TAS2R1: variants seen among roughly 807,000 people sequenced by gnomAD.
The protein encoded by TAS2R1 is taste 2 receptor member 1.
For missense variants in TAS2R1, 370 were observed against 353.4 expected (o/e 1.05, Z -0.38); for synonymous variants, 141 against 134.2 (o/e 1.05, Z -0.35).
the TAS2R1 span, among the ~76,000 whole-genome samples, chr5:9,875,158 C>T: frequency 3.4e-3 from 513 of 152,314 alleles, 1 homozygote; most frequent in Admixed American, 6.8e-3. Context: ...CATCATTTCC[C>T]TCCTCCATTT....
chr5:9,851,785 A>G, the TAS2R1 span, among the ~76,000 whole-genome samples: 10 of 152,218 alleles, frequency 6.6e-5, no homozygotes, highest in Admixed American at 6.5e-4. Flanking sequence ...ATACCCATAC[A>G]GGGCTGTGAC....
chr5:9,720,639 G>A, the TAS2R1 span, among the ~76,000 whole-genome samples: 3 of 152,330 alleles, frequency 2.0e-5, no homozygotes, highest in South Asian at 2.1e-4. Context: ...TCTGCAGTAG[G>A]AATGTATGAA....
the TAS2R1 span, among the ~76,000 whole-genome samples, chr5:9,894,261 A>G: frequency 1.3e-5 from 2 of 152,192 alleles, no homozygotes; most frequent in East Asian, 3.9e-4. Flanking sequence ...AAAATTAGCC[A>G]GCCGTGGTGG....
At chr5:9,740,519 A>G in the TAS2R1 span, among the ~76,000 whole-genome samples, 1 of 152,234 alleles carries the variant, frequency 6.6e-6, no homozygotes, top group Non-Finnish European at 1.5e-5. Flanking sequence ...AGTTAACAAA[A>G]AGACAAATTT....
the TAS2R1 span, among the ~76,000 whole-genome samples, chr5:9,821,339 G>A: frequency 9.7e-4 from 147 of 152,262 alleles, no homozygotes; most frequent in African/African-American, 3.5e-3. Flanking sequence ...TCACAAGCAC[G>A]GGACAGGAAC....
the TAS2R1 span, among the ~76,000 whole-genome samples, chr5:9,884,604 A>C: frequency 6.6e-6 from 1 of 152,320 alleles, no homozygotes; most frequent in East Asian, 1.9e-4. Context: ...ACATTATAAA[A>C]CACAAGTTAC....
the TAS2R1 span, among the ~76,000 whole-genome samples, chr5:9,818,166 C>T: frequency 7.2e-5 from 11 of 152,164 alleles, no homozygotes; most frequent in Admixed American, 1.3e-4. Context: ...GCTGTCACGT[C>T]CTTAAGGCCA....
the TAS2R1 span, among the ~76,000 whole-genome samples, chr5:9,759,889 G>C: frequency 1.3e-5 from 2 of 152,034 alleles, no homozygotes; most frequent in Non-Finnish European, 2.9e-5. Context: ...TCTTAGAAGT[G>C]GTTTAGAGAA....
At chr5:9,706,081 T>TAAATACAATGTTCTGATCTCCATC (rs1741603999) in intron 1 of TAS2R1, among the ~76,000 whole-genome samples, 2 of 152,232 alleles carry the variant, frequency 1.3e-5, no homozygotes, top group South Asian at 4.2e-4. Flanking sequence ...CTTTTAGAAA[T>TAAATACAATGTTCTGATCTCCATC]AAATACAATG....
chr5:9,895,026 T>C, the TAS2R1 span, among the ~76,000 whole-genome samples: 1 of 152,260 alleles, frequency 6.6e-6, no homozygotes, highest in African/African-American at 2.4e-5. Context: ...GGCTTCCTGA[T>C]GAACAAGTAT....
chr5:9,674,154 T>C lies in TAS2R1; in HGVS notation c.-241-14573A>G, dbSNP rs551236873. Among the ~76,000 whole-genome samples, 13 of 152,316 alleles carry C rather than the reference T, an allele frequency of 8.5e-5. No individual in the cohort carries two copies. In the East Asian group the frequency reaches 2.5e-3, roughly 29 times the overall value. ...CATAGACATATATGTAACAAAACTA[T>C]GGAATAGACCCAATAACTGTATTTT... On this transcript the variant is annotated intron_variant, in intron 1 of 2. Transcript: ENST00000506620.
the TAS2R1 span, among the ~76,000 whole-genome samples, chr5:9,758,091 A>T: frequency 6.6e-6 from 1 of 152,310 alleles, no homozygotes; most frequent in East Asian, 1.9e-4. Flanking sequence ...TTTTTAAAGT[A>T]TAGCACATTT....
intron 1 of TAS2R1, among the ~76,000 whole-genome samples, chr5:9,702,614 G>A (rs1741513989): frequency 6.6e-6 from 1 of 152,220 alleles, no homozygotes; most frequent in African/African-American, 2.4e-5. Context: ...AATAGTTACT[G>A]TTTCAAGCAA....
At chr5:9,646,939 G>A (rs1286545426) in intron 2 of TAS2R1, among the ~76,000 whole-genome samples, 1 of 152,120 alleles carries the variant, frequency 6.6e-6, no homozygotes, top group Non-Finnish European at 1.5e-5. Flanking sequence ...GTCATTGCTA[G>A]CCAAACTATT....
chr5:9,634,277 G>T (rs947150927), upstream of TAS2R1, among the ~76,000 whole-genome samples: 1 of 151,784 alleles, frequency 6.6e-6, no homozygotes, highest in Admixed American at 6.6e-5. Context: ...TTCTGGGTTT[G>T]CTTTTTTGTT....
the TAS2R1 span, among the ~76,000 whole-genome samples, chr5:9,725,133 T>TGACAGC: frequency 6.6e-6 from 1 of 152,068 alleles, no homozygotes; most frequent in Non-Finnish European, 1.5e-5. Flanking sequence ...TAGTGAGAGG[T>TGACAGC]GACAGCGTGC....
the TAS2R1 span, among the ~76,000 whole-genome samples, chr5:9,825,428 G>A: frequency 4.6e-5 from 7 of 152,154 alleles, no homozygotes; most frequent in South Asian, 2.1e-4. Context: ...ACCTGCCCCC[G>A]TGATTCAATT....
chr5:9,705,141 A>G (rs1167100368), intron 1 of TAS2R1, among the ~76,000 whole-genome samples: 2 of 152,222 alleles, frequency 1.3e-5, no homozygotes, highest in African/African-American at 4.8e-5. Flanking sequence ...GCAAAAAAAA[A>G]ATCCCACAAC....
rs901174542 is a variant in TAS2R1 at position 9,629,897 on chromosome 5, G to T, written c.136C>A (p.Leu46Ile). The T allele has an allele frequency of 1.2e-6, 2 of 1,613,992 alleles. No individual in the cohort carries two copies. The highest frequency in any genetic ancestry group is 2.2e-5 in the South Asian group (2 of 91,060). The change falls in exon 1 of 1, where the codon CTC (leucine) becomes ATC (isoleucine). Residue 46 changes from leucine (L) to isoleucine (I), a missense_variant. Transcript: ENST00000382492. Reference protein sequence around the residue: ...IKHRKMAPLDLLLSCLAVSRI... With the variant: ...IKHRKMAPLDILLSCLAVSRI... ...GAAACTGCCAGACAAGAAAGAAGGA[G>T]ATCCAGCGGAGCCATTTTTCTGTGC...
Sources: gnomAD v4.1 joint callset for allele counts (sites outside exome capture counted in the v4.1 genomes callset) on GRCh38, gnomAD v4.1.1 for gene constraint, MANE v1.5 for transcripts, NCBI Gene and HGNC (gene_info 2026-07-23, HGNC 2026-07-21) for gene names.